IKBKE: variants seen among roughly 807,000 people sequenced by gnomAD.
IKBKE encodes the protein inhibitor of nuclear factor kappa B kinase subunit epsilon, also known as inhibitor of nuclear factor kappa-B kinase subunit epsilon.
A neutral mutation model predicts 92.1 loss-of-function variants in IKBKE; 45 were observed. The observed-to-expected ratio is 0.49, with a 90% CI of 0.38 to 0.63. IKBKE has a LOEUF of 0.63. Among genes scored for constraint, IKBKE ranks in the 20% least tolerant of loss-of-function variants. The pLI is 0.00. For missense variants in IKBKE, 700 were observed against 932.8 expected (o/e 0.75, Z 3.25); for synonymous variants, 374 against 380.3 (o/e 0.98, Z 0.19).
chr1:206,476,765 A>G lies in IKBKE; in HGVS notation c.628A>G (p.Thr210Ala). Residue 210 changes from threonine to alanine, a missense_variant, in exon 7 of 22, where the codon ACC becomes GCC. Thr to Ala is a moderately conservative substitution (Grantham distance 58, BLOSUM62 0). Coordinates refer to ENST00000581977, the MANE Select transcript of IKBKE (RefSeq NM_014002.4). The surrounding 1 kb of genome is among the most constrained non-coding windows in gnomAD (Gnocchi z 5.1). ...TGTGGATCTCTGGAGCATTGGAGTG[A>G]CCTTGTACCATGCAGCCACTGGCAG... ...VTVDLWSIGV[T>A]LYHAATGSLP... is the part of the protein sequence containing the mutation. The G allele has an allele frequency of 2.5e-6, 4 of 1,614,178 alleles. No individual in the cohort carries two copies. The highest frequency in any genetic ancestry group is 3.4e-6 in the Non-Finnish European group (4 of 1,180,010).
At chr1:206,491,090 C>T in intron 17 of IKBKE, 1 of 590,040 alleles carries the variant, frequency 1.7e-6, no homozygotes, top group Non-Finnish European at 3.0e-6. Context: ...CTGGTATGGA[C>T]AAGACTGTTT....
intron 21 of IKBKE, 69 bp downstream of exon 21, chr1:206,494,060 G>C (rs1558486545): frequency 3.0e-6 from 4 of 1,341,866 alleles, no homozygotes; most frequent in Non-Finnish European, 4.3e-6. Context: ...GGGTGGTGAA[G>C]AGTCCCCAAG....
At position 206,484,898 on chromosome 1, in the gene IKBKE, A is replaced by G. The variant is rs545128346; in HGVS notation, c.1428-99A>G. On this transcript the variant is annotated intron_variant, in intron 13 of 21. Coordinates refer to ENST00000581977, the MANE Select transcript of IKBKE (RefSeq NM_014002.4). ...CCCGGAGAGCCACCAAGGCTGTCCC[A>G]CAGATGCTATGCCCAGCATGTGCCA... 15 of 969,322 alleles carry G rather than the reference A, an allele frequency of 1.5e-5. No individual in the cohort carries two copies. The East Asian group carries it at 3.6e-4, about 24-fold the overall frequency. 60.0% of individuals were successfully genotyped at this position (969,322 alleles called of 1,614,324 possible).
intron 12 of IKBKE, 84 bp from the exon 13 acceptor site, chr1:206,480,363 G>A (rs1375708196): frequency 3.0e-5 from 35 of 1,176,578 alleles, no homozygotes; most frequent in Non-Finnish European, 4.4e-5. Flanking sequence ...AGGAGGTGGA[G>A]GCCAGTATCC....
At position 206,478,162 on chromosome 1, in the gene IKBKE, G is replaced by A. The variant is rs781889892; in HGVS notation, c.815G>A (p.Gly272Glu). The A allele has an allele frequency of 2.5e-6, 4 of 1,613,312 alleles. No individual in the cohort carries two copies. The highest frequency in any genetic ancestry group is 1.3e-5 in the African/African-American group (1 of 74,918). Residue 272 changes from glycine to glutamate, a missense_variant and splice_region_variant, in exon 9 of 22, where the codon GGG (glycine) becomes GAG (glutamate). Transcript: ENST00000581977. The surrounding 1 kb of genome is among the most constrained non-coding windows in gnomAD (Gnocchi z 4.8). ...GTCTCCATGTCCTGGGAGGGCAGGGGGCTGCAGAGCCAGCTGGTGCCCATC... is the reference window on the plus strand; with the variant it reads ...GTCTCCATGTCCTGGGAGGGCAGGGAGCTGCAGAGCCAGCTGGTGCCCATC... ...TLPITCQLSLGLQSQLVPILA... is the reference protein window; with the variant it reads ...TLPITCQLSLELQSQLVPILA...
In IKBKE at chr1:206,476,238, G is replaced by C. The variant is rs782456876; in HGVS notation, c.416G>C (p.Gly139Ala). The C allele has an allele frequency of 6.8e-5, 109 of 1,614,028 alleles. 3 individuals are homozygous for C. In the South Asian group the frequency reaches 9.6e-4, roughly 14 times the overall value. Residue 139 changes from glycine (G) to alanine (A), a missense_variant, in exon 6 of 22, where the codon GGG (glycine) becomes GCG (alanine). Coordinates refer to ENST00000581977, the MANE Select transcript of IKBKE (RefSeq NM_014002.4). This position sits in a 1 kb window ranked among gnomAD's most constrained non-coding sequence, Gnocchi z 5.1. ...NGIVHRDIKP[G>A]NIMRLVGEEG... ...ATTGTGCATCGCGACATCAAGCCGG[G>C]GAACATCATGCGCCTCGTAGGGGAG...
rs41296018 is a variant in IKBKE, at chr1:206,475,205, T to C, written c.358+211T>C. The C allele has an allele frequency of 3.9e-3, 2,148 of 548,048 alleles. 23 individuals are homozygous for C. The highest frequency in any genetic ancestry group is 0.036 in the African/African-American group (1,891 of 52,854). 33.9% of individuals were successfully genotyped at this position (548,048 alleles called of 1,614,324 possible). ...AAACATCCTAACTGTGAAAACAAAATGTGGGAGGTACCTAAAATAGAATAT... is the reference window on the plus strand; with the variant it reads ...AAACATCCTAACTGTGAAAACAAAACGTGGGAGGTACCTAAAATAGAATAT... On this transcript the variant is annotated intron_variant, in intron 5 of 21. Coordinates refer to ENST00000581977, the MANE Select transcript of IKBKE (RefSeq NM_014002.4).
Position 206,493,998 on chromosome 1 carries a change from A to G in IKBKE, c.2117+7A>G, listed in dbSNP as rs1161811563. The G allele has an allele frequency of 3.1e-6, 5 of 1,613,290 alleles. No individual in the cohort carries two copies. Among genetic ancestry groups the G allele is most frequent in the Non-Finnish European group, 3.4e-6 (4 of 1,179,310 alleles). On this transcript the variant is annotated splice_region_variant and intron_variant, in intron 21 of 21. Coordinates refer to ENST00000581977, the MANE Select transcript of IKBKE (RefSeq NM_014002.4). Reference sequence around the variant, plus strand: ...ACAACCGCATCATCGAACGGTAAGGAGCTTTCACCTTGTGTAGGTCAGGGC... The same window carrying G: ...ACAACCGCATCATCGAACGGTAAGGGGCTTTCACCTTGTGTAGGTCAGGGC...
At chr1:206,489,730 C>T (rs1173755404) in intron 16 of IKBKE, among the ~76,000 whole-genome samples, 3 of 151,978 alleles carry the variant, frequency 2.0e-5, no homozygotes, top group African/African-American at 7.3e-5. Flanking sequence ...AATAACAAAA[C>T]CTCTAGGCAT....
Position 206,477,869 on chromosome 1 carries a change from AC to A in IKBKE, c.812+13del, listed in dbSNP as rs1261531183. Reference sequence around the variant, plus strand: ...CCTGCCAGCTGTCACTGTGAGTGGGACCCTGCTGGGGGGTGATGCTGGAGTC... The same window carrying A: ...CCTGCCAGCTGTCACTGTGAGTGGGACCTGCTGGGGGGTGATGCTGGAGTC... On this transcript the variant is annotated intron_variant, in intron 8 of 21. Coordinates refer to ENST00000581977, the MANE Select transcript of IKBKE (RefSeq NM_014002.4). 1.3e-6 allele frequency: 2 copies of A among 1,512,716 alleles called. No individual in the cohort carries two copies. Among genetic ancestry groups the A allele is most frequent in the Non-Finnish European group, 1.8e-6 (2 of 1,112,304 alleles). The allele number at this position is 1,512,716 out of a possible 1,614,324, so 93.7% of individuals were successfully genotyped here. A position where few individuals can be genotyped will look rare whatever the true frequency, so the allele number is the denominator to read the frequency against.
In IKBKE at chr1:206,480,099, G is replaced by A. The variant is rs782242908; in HGVS notation, c.1326G>A (p.Gly442=). 2 of 1,582,512 alleles carry A rather than the reference G, an allele frequency of 1.3e-6. No homozygotes were observed. The highest frequency in any genetic ancestry group is 1.7e-6 in the Non-Finnish European group (2 of 1,166,718). ...LLDGQELMFR[G]LHWVMEVLQA... The stretch of plus-strand genomic sequence containing the variant: ...ATGGGCAGGAGCTAATGTTTCGGGG[G>A]CTGCACTGGGTCATGTGAGTAATCA... Residue 442 remains glycine, a synonymous_variant, in exon 12 of 22, where the codon GGG becomes GGA. Coordinates refer to ENST00000581977, the MANE Select transcript of IKBKE (RefSeq NM_014002.4).
rs373699027 is a variant in IKBKE, at chr1:206,476,255, G to C, written c.433G>C (p.Val145Leu). ...CAAGCCGGGGAACATCATGCGCCTC[G>C]TAGGGGAGGAGGGGCAGAGCATCTA... ...DIKPGNIMRL[V>L]GEEGQSIYKL... Residue 145 changes from valine to leucine, a missense_variant, in exon 6 of 22, where the codon GTA becomes CTA. Val to Leu is a conservative substitution (Grantham distance 32). Coordinates refer to ENST00000581977, the MANE Select transcript of IKBKE (RefSeq NM_014002.4). The surrounding 1 kb of genome is among the most constrained non-coding windows in gnomAD (Gnocchi z 5.1). 6.2e-7 allele frequency: 1 copy of C among 1,614,152 alleles called. No homozygotes were observed. The highest frequency in any genetic ancestry group is 1.7e-5 in the Admixed American group (1 of 60,028).
intron 13 of IKBKE, among the ~76,000 whole-genome samples, chr1:206,482,299 G>A (rs997047523): frequency 6.6e-6 from 1 of 152,318 alleles, no homozygotes; most frequent in East Asian, 1.9e-4. Flanking sequence ...CCCTGAAGGA[G>A]TCCAGCTAGA....
In IKBKE at chr1:206,478,442, C is replaced by T. The variant is rs1665191078; in HGVS notation, c.992+103C>T. 1.7e-6 allele frequency: 2 copies of T among 1,163,460 alleles called. No individual in the cohort carries two copies. Among genetic ancestry groups the T allele is most frequent in the African/African-American group, 1.5e-5 (1 of 66,080 alleles). 72.1% of individuals were successfully genotyped at this position (1,163,460 alleles called of 1,614,324 possible). On this transcript the variant is annotated intron_variant, in intron 9 of 21. Coordinates refer to ENST00000581977, the MANE Select transcript of IKBKE (RefSeq NM_014002.4). The surrounding 1 kb of genome is among the most constrained non-coding windows in gnomAD (Gnocchi z 4.8). ...CACAGTACGTTCTGAGGAGTGTGTA[C>T]ATAGGAACGCTTCCAGGTCCAAACG...
At chr1:206,491,922 C>A (rs1396408495) in intron 18 of IKBKE, 173 bp downstream of exon 18, 2 of 542,826 alleles carry the variant, frequency 3.7e-6, no homozygotes, top group East Asian at 6.6e-5. Flanking sequence ...TGGGAGATTT[C>A]TGTAGCTCAG....
Position 206,490,919 on chromosome 1 carries a change from C to T in IKBKE, c.1733+61C>T, listed in dbSNP as rs376289362. ...GAGGGTGGGTGTCCTCAGGGCAGAG[C>T]GATTCTCAACGCCAGAGGAGAGGCA... On this transcript the variant is annotated intron_variant, in intron 17 of 21. Transcript: ENST00000581977. The surrounding 1 kb of genome is among the most constrained non-coding windows in gnomAD (Gnocchi z 5.2). 66 of 1,448,720 alleles carry T rather than the reference C, an allele frequency of 4.6e-5. No individual in the cohort carries two copies. Among genetic ancestry groups the T allele is most frequent in the Non-Finnish European group, 5.4e-5 (56 of 1,031,046 alleles). The allele number at this position is 1,448,720 out of a possible 1,614,324, so 89.7% of individuals were successfully genotyped here. A position where few individuals can be genotyped will look rare whatever the true frequency, so the allele number is the denominator to read the frequency against.
Position 206,478,801 on chromosome 1 carries a change from A to C in IKBKE, c.993-142A>C. On this transcript the variant is annotated intron_variant, in intron 9 of 21. Coordinates refer to ENST00000581977, the MANE Select transcript of IKBKE (RefSeq NM_014002.4). This position sits in a 1 kb window ranked among gnomAD's most constrained non-coding sequence, Gnocchi z 4.8. ...CCTTGGTCTCTCCACCCTTGATGACAGAGAAAACCACCCCCGTCCCTCCCT... is the reference window on the plus strand; with the variant it reads ...CCTTGGTCTCTCCACCCTTGATGACCGAGAAAACCACCCCCGTCCCTCCCT... The C allele has an allele frequency of 1.4e-6, 1 of 710,432 alleles. No homozygotes were observed. Among genetic ancestry groups the C allele is most frequent in the Non-Finnish European group, 2.5e-6 (1 of 398,000 alleles). 44.0% of individuals were successfully genotyped at this position (710,432 alleles called of 1,614,324 possible). A position where few individuals can be genotyped will look rare whatever the true frequency, so the allele number is the denominator to read the frequency against.
At chr1:206,473,339 C>G in intron 3 of IKBKE, 25 bp downstream of exon 3, 1 of 1,563,450 alleles carries the variant, frequency 6.4e-7, no homozygotes, top group South Asian at 1.1e-5. Context: ...TGGCCAGGCC[C>G]TGTCCAGCCC....
rs1665877386 is a variant in IKBKE at position 206,490,199 on chromosome 1, CCAT to C, written c.1694-613_1694-611del. On this transcript the variant is annotated intron_variant, in intron 16 of 21. Coordinates refer to ENST00000581977, the MANE Select transcript of IKBKE (RefSeq NM_014002.4). The surrounding 1 kb of genome is among the most constrained non-coding windows in gnomAD (Gnocchi z 5.2). ...ATGGGGAGGCCCTCGAAGTGAACCG[CCAT>C]CATCATTTCATCTTGGGGCTGCCGC... 5.3e-5 allele frequency among the ~76,000 whole-genome samples: 8 copies of C among 152,136 alleles called. No individual in the cohort carries two copies.
Sources: gnomAD v4.1 joint callset for allele counts (sites outside exome capture counted in the v4.1 genomes callset) on GRCh38, gnomAD v4.1.1 for gene constraint, Gnocchi (gnomAD v3.1) non-coding constraint, MANE v1.5 for transcripts, NCBI Gene and HGNC (gene_info 2026-07-23, HGNC 2026-07-21) for gene names.